POLRMT: variants seen among roughly 807,000 people sequenced by gnomAD.
POLRMT encodes RNA polymerase mitochondrial.
Under a neutral mutation model 132.2 loss-of-function variants are expected in POLRMT, and 114 were observed. That is an observed-to-expected ratio of 0.86 (90% confidence interval 0.74 to 1.01). The LOEUF (loss-of-function observed/expected upper bound fraction) is 1.01, where lower values mean the gene tolerates loss of function less well. Ranked by LOEUF, POLRMT falls within the 50% of genes least tolerant of loss-of-function variation. The pLI, the probability that POLRMT is intolerant of heterozygous loss-of-function variation, is 0.00. For synonymous variants in POLRMT, 1,020 were observed against 773.4 expected, an observed-to-expected ratio of 1.32 and a Z score of -5.29; for missense variants, 2,003 against 1,729.1, an observed-to-expected ratio of 1.16 and a Z score of -2.81.
Position 624,862 on chromosome 19 carries a change from G to C in POLRMT, c.997C>G (p.Leu333Val). The C allele has an allele frequency of 1.9e-6, 3 of 1,613,090 alleles. No homozygotes were observed. Among genetic ancestry groups the C allele is most frequent in the Non-Finnish European group, 2.5e-6 (3 of 1,179,888 alleles). Reference sequence around the variant, plus strand: ...TCAGACAGCAGAACGGCGGTGAAGAGTGCCTGCAGCTTCAGCCCCTCCTGG... The same window carrying C: ...TCAGACAGCAGAACGGCGGTGAAGACTGCCTGCAGCTTCAGCCCCTCCTGG... ...MSQEGLKLQALFTAVLLSEED... is the reference protein window; with the variant it reads ...MSQEGLKLQAVFTAVLLSEED... Residue 333 changes from leucine (L) to valine (V), a missense_variant, in exon 5 of 21, where the codon CTC becomes GTC. Coordinates refer to ENST00000588649, the MANE Select transcript of POLRMT (RefSeq NM_005035.4).
At chr19:625,491 G>A (rs1459764600) in intron 3 of POLRMT, 2 of 489,756 alleles carry the variant, frequency 4.1e-6, no homozygotes, top group Non-Finnish European at 7.2e-6. Flanking sequence ...CGTTCCTCTG[G>A]GAGGCAGCTT....
rs1984353088 is a variant in POLRMT, at chr19:619,734, C to T, written c.2918G>A (p.Arg973Gln). The change falls in exon 13 of 21, where the codon CGG (arginine) becomes CAG (glutamine). Residue 973 changes from arginine to glutamine, a missense_variant. Physicochemically the swap from Arg to Gln is conservative, Grantham distance 43. Coordinates refer to ENST00000588649, the MANE Select transcript of POLRMT (RefSeq NM_005035.4). ...CAGCACCTGTGCCACCCGCATGCCC[C>T]GCTGGGCGTCCTGCCTACGGAACAC... is the stretch of plus-strand genomic sequence containing the variant. ...VEVFRRQDAQ[R>Q]GMRVAQVLEG... The T allele has an allele frequency of 6.3e-7, 1 of 1,594,988 alleles. No individual in the cohort carries two copies. The highest frequency in any genetic ancestry group is 1.1e-5 in the South Asian group (1 of 89,218).
At chr19:624,213 A>G (rs1984851447) in intron 5 of POLRMT, among the ~76,000 whole-genome samples, 1 of 152,148 alleles carries the variant, frequency 6.6e-6, no homozygotes, top group Admixed American at 6.5e-5. Flanking sequence ...TGCCAAACAC[A>G]AAAGGTCTCG....
rs1334725619 is a variant in POLRMT at position 624,733 on chromosome 19, C to T, written c.1126G>A (p.Asp376Asn). 4 of 1,613,496 alleles carry T rather than the reference C, an allele frequency of 2.5e-6. No individual in the cohort carries two copies. In the East Asian group the frequency reaches 6.7e-5, roughly 27 times the overall value. Reference protein sequence around the residue: ...PPVNTSKLLRDVYAKDGRVSY... With the variant: ...PPVNTSKLLRNVYAKDGRVSY... ...CGTGGGCTCACCTTGGCATACACGT[C>T]CCTGAGCAGCTTGGAGGTGTTGACC... The change falls in exon 5 of 21, where the codon GAC (aspartate) becomes AAC (asparagine). Residue 376 changes from aspartate (D) to asparagine (N), a missense_variant. Coordinates refer to ENST00000588649, the MANE Select transcript of POLRMT (RefSeq NM_005035.4).
At position 629,891 on chromosome 19, in the gene POLRMT, G is replaced by A. The variant is rs768466783; in HGVS notation, c.471C>T (p.Thr157=). The change falls in exon 3 of 21, where the codon ACC becomes ACT. Residue 157 remains threonine, a synonymous_variant. Transcript: ENST00000588649. ...PFQSGEFKAL[T]RRLQVEPRLL... ...GCCGGGGCTCCACCTGCAGGCGCCT[G>A]GTCAGCGCCTTGAACTCCCCGCTCT... is the stretch of plus-strand genomic sequence containing the variant. The A allele has an allele frequency of 5.0e-6, 8 of 1,612,724 alleles. No homozygotes were observed. Among genetic ancestry groups the A allele is most frequent in the East Asian group, 4.5e-5 (2 of 44,872 alleles).
At chr19:625,967 C>T (rs1421465982) in intron 3 of POLRMT, among the ~76,000 whole-genome samples, 1 of 152,054 alleles carries the variant, frequency 6.6e-6, no homozygotes. Context: ...TCCCAAAGTG[C>T]TGGGATGACA....
In POLRMT at chr19:620,000, G is replaced by C. The variant is rs1362426053; in HGVS notation, c.2844C>G (p.Pro948=). 6.3e-7 allele frequency: 1 copy of C among 1,592,886 alleles called. No individual in the cohort carries two copies. The highest frequency in any genetic ancestry group is 1.3e-5 in the African/African-American group (1 of 74,742). The change falls in exon 12 of 21, where the codon CCC becomes CCG. Residue 948 remains proline, a synonymous_variant. Coordinates refer to ENST00000588649, the MANE Select transcript of POLRMT (RefSeq NM_005035.4). ...SVGAASVNLE[P]SDVPQDVYSG... ...TGTACACGTCCTGCGGCACATCCGA[G>C]GGCTCCAGGTTGACGGAGGCGGCGC... is the stretch of plus-strand genomic sequence containing the variant.
At chr19:632,547 T>A (rs1229627104) in intron 2 of POLRMT, among the ~76,000 whole-genome samples, 1 of 135,674 alleles carries the variant, frequency 7.4e-6, no homozygotes, top group Non-Finnish European at 1.6e-5. Flanking sequence ...GGGGGGGGGG[T>A]CTCTCCAGAC....
At position 620,762 on chromosome 19, in the gene POLRMT, G is replaced by A. The variant is rs543236067; in HGVS notation, c.2641-275C>T. 6.4e-3 allele frequency among the ~76,000 whole-genome samples: 799 copies of A among 124,338 alleles called. 5 individuals are homozygous for A. The highest frequency in any genetic ancestry group is 0.016 in the Middle Eastern group (4 of 246). 81.6% of individuals were successfully genotyped at this position (124,338 alleles called of 152,430 possible). On this transcript the variant is annotated intron_variant, in intron 10 of 20. Transcript: ENST00000588649. ...AGAGGACCTGGGGGCGCCGGGGGAGGAAGCAGCTCGGCGGATGCAGGGGAG... is the reference window on the plus strand; with the variant it reads ...AGAGGACCTGGGGGCGCCGGGGGAGAAAGCAGCTCGGCGGATGCAGGGGAG...
chr19:619,510 G>T, intron 13 of POLRMT, 76 bp downstream of exon 13: 2 of 1,561,996 alleles, frequency 1.3e-6, no homozygotes, highest in South Asian at 1.1e-5. Context: ...CTGGGAGGCT[G>T]GGTCGGGGGC....
In POLRMT at chr19:630,087, G is replaced by A; in HGVS notation, c.275C>T (p.Pro92Leu). ...GCTACCATCTCCACTGCCACATTCTGGGAGCCGCGCCACATCCACCCTGTT... is the reference window on the plus strand; with the variant it reads ...GCTACCATCTCCACTGCCACATTCTAGGAGCCGCGCCACATCCACCCTGTT... ...VVNRVDVARL[P>L]ECGSGDGSLQ... The change falls in exon 3 of 21, where the codon CCA becomes CTA. Residue 92 changes from proline (P) to leucine (L), a missense_variant. Physicochemically the swap from Pro to Leu is moderately conservative, Grantham distance 98. Transcript: ENST00000588649. The A allele has an allele frequency of 6.2e-7, 1 of 1,613,702 alleles. No individual in the cohort carries two copies. The highest frequency in any genetic ancestry group is 8.5e-7 in the Non-Finnish European group (1 of 1,179,966).
chr19:622,844 C>T lies in POLRMT; in HGVS notation c.1432G>A (p.Glu478Lys), dbSNP rs1367440376. 3.1e-6 allele frequency: 5 copies of T among 1,599,024 alleles called. No individual in the cohort carries two copies. The highest frequency in any genetic ancestry group is 1.1e-5 in the South Asian group (1 of 89,368). The change falls in exon 7 of 21, where the codon GAG (glutamate) becomes AAG (lysine). Residue 478 changes from glutamate to lysine, a missense_variant. Physicochemically the swap from Glu to Lys is moderately conservative, Grantham distance 56. Coordinates refer to ENST00000588649, the MANE Select transcript of POLRMT (RefSeq NM_005035.4). ...ACCTGCAGGAGCATCCGCACCACCTCGCGCTCGTCCAGCAGGCACAGGAAG... is the reference window on the plus strand; with the variant it reads ...ACCTGCAGGAGCATCCGCACCACCTTGCGCTCGTCCAGCAGGCACAGGAAG... The part of the protein sequence containing the change: ...YPFLCLLDER[E>K]VVRMLLQVLQ...
In POLRMT at chr19:623,625, G is replaced by C. The variant is rs757223963; in HGVS notation, c.1141-22C>G. 2.0e-5 allele frequency: 32 copies of C among 1,608,940 alleles called. No individual in the cohort carries two copies. The Middle Eastern group carries it at 9.9e-4, about 50-fold the overall frequency. ...CATCCTGCAGGGATGGGGGTAGTGAGGTTGGGGGCTTGCCAGAGGGCGACC... is the reference window on the plus strand; with the variant it reads ...CATCCTGCAGGGATGGGGGTAGTGACGTTGGGGGCTTGCCAGAGGGCGACC... On this transcript the variant is annotated intron_variant, in intron 5 of 20. Transcript: ENST00000588649.
chr19:619,557 G>A (rs192548049), intron 13 of POLRMT, 29 bp downstream of exon 13: 3 of 1,610,590 alleles, frequency 1.9e-6, no homozygotes, highest in South Asian at 1.1e-5. Flanking sequence ...TGAAACCAAC[G>A]TGTTCGCAGC....
In POLRMT at chr19:622,811, G is replaced by A. The variant is rs780660816; in HGVS notation, c.1455+10C>T. The A allele has an allele frequency of 6.0e-5, 95 of 1,584,494 alleles. No homozygotes were observed. The highest frequency in any genetic ancestry group is 1.9e-4 in the Middle Eastern group (1 of 5,254). ...CGCCCGGGGACCCGGCCGCGCGGAGGAAGACGCACCTGCAGGAGCATCCGC... is the reference window on the plus strand; with the variant it reads ...CGCCCGGGGACCCGGCCGCGCGGAGAAAGACGCACCTGCAGGAGCATCCGC... On this transcript the variant is annotated intron_variant, in intron 7 of 20. Coordinates refer to ENST00000588649, the MANE Select transcript of POLRMT (RefSeq NM_005035.4).
intron 3 of POLRMT, among the ~76,000 whole-genome samples, chr19:628,248 G>A (rs962634523): frequency 3.3e-5 from 5 of 152,214 alleles, no homozygotes; most frequent in Non-Finnish European, 4.4e-5. Flanking sequence ...GGACACTTTC[G>A]TAGGGGCCGA....
At position 621,739 on chromosome 19, in the gene POLRMT, C is replaced by A. The variant is rs1357475099; in HGVS notation, c.1959G>T (p.Leu653=). 6.9e-6 allele frequency: 11 copies of A among 1,600,132 alleles called. No individual in the cohort carries two copies. Among genetic ancestry groups the A allele is most frequent in the Non-Finnish European group, 9.3e-6 (11 of 1,179,116 alleles). The change falls in exon 10 of 21, where the codon CTG becomes CTT. Residue 653 remains leucine, a synonymous_variant. Coordinates refer to ENST00000588649, the MANE Select transcript of POLRMT (RefSeq NM_005035.4). Reference sequence around the variant, plus strand: ...CACCAGAGTGCGGCGATGTCCAGGGCAGCGGGGGGCAAAGCATGGGTACAT... The same window carrying A: ...CACCAGAGTGCGGCGATGTCCAGGGAAGCGGGGGGCAAAGCATGGGTACAT... ...AVDVPMLCPP[L]PWTSPHSGAF... is the part of the protein sequence containing the mutation.
intron 9 of POLRMT, 69 bp downstream of exon 9, chr19:622,080 G>C: frequency 7.1e-7 from 1 of 1,400,006 alleles, no homozygotes. Context: ...GCCCAAAGGC[G>C]CCAACCCCAT....
chr19:623,496 G>A lies in POLRMT; in HGVS notation c.1248C>T (p.Ser416=), dbSNP rs768205268. The A allele has an allele frequency of 4.3e-6, 7 of 1,613,018 alleles. No homozygotes were observed. Among genetic ancestry groups the A allele is most frequent in the Admixed American group, 1.7e-5 (1 of 60,022 alleles). Residue 416 remains serine (S), a synonymous_variant, in exon 6 of 21, where the codon TCC becomes TCT. Coordinates refer to ENST00000588649, the MANE Select transcript of POLRMT (RefSeq NM_005035.4). ...MELASRVCVV[S]VEKPTLPSKE... ...TGCTTGGCAACGTGGGCTTCTCCACGGACACCACGCACACCCTGCTGGCCA... is the reference window on the plus strand; with the variant it reads ...TGCTTGGCAACGTGGGCTTCTCCACAGACACCACGCACACCCTGCTGGCCA...
Sources: allele counts gnomAD v4.1 joint callset (sites outside exome capture counted in the v4.1 genomes callset), GRCh38; gene constraint gnomAD v4.1.1; transcripts MANE v1.5; gene names NCBI Gene and HGNC (gene_info 2026-07-23, HGNC 2026-07-21).